Variants in GRIA3 observed in about 807,000 individuals in gnomAD.
The protein encoded by GRIA3 is glutamate receptor 3.
Under a neutral mutation model 63.0 loss-of-function variants are expected in GRIA3, and 3 were observed. The ratio of observed to expected loss-of-function variants is 0.05; its 90% CI spans 0.02 to 0.12. GRIA3 has a LOEUF of 0.12. Ranked by LOEUF, GRIA3 falls within the 10% of genes least tolerant of loss-of-function variation. GRIA3 has a pLI of 1.00. For synonymous variants in GRIA3, 274 were observed against 257.9 expected (o/e 1.06, Z -0.60); for missense variants, 347 against 700.9 (o/e 0.50, Z 5.70).
intron 3 of GRIA3, among the ~76,000 whole-genome samples, chrX:123,307,789 C>T (rs761113676): frequency 3.6e-5 from 4 of 111,140 alleles, no homozygotes; most frequent in African/African-American, 1.3e-4. Flanking sequence ...GCCAAGAATT[C>T]GTTGGCTACA....
chrX:123,396,215 A>AATG (rs756571972), intron 6 of GRIA3, among the ~76,000 whole-genome samples: 73 of 103,206 alleles, frequency 7.1e-4, no homozygotes, highest in Admixed American at 1.2e-3. Context: ...TAATAATAAT[A>AATG]ATAATAATAA....
intron 3 of GRIA3, among the ~76,000 whole-genome samples, chrX:123,287,866 A>G (rs965391752): frequency 8.9e-6 from 1 of 112,044 alleles, no homozygotes; most frequent in Non-Finnish European, 1.9e-5. Flanking sequence ...ATTTAATGCT[A>G]TCCCCATCAA....
chrX:123,370,648 C>T (rs925626632), intron 5 of GRIA3, among the ~76,000 whole-genome samples: 10 of 111,298 alleles, frequency 9.0e-5, no homozygotes, highest in African/African-American at 3.3e-4. Context: ...TGCAGGTAAT[C>T]AGAAGTAAGG....
intron 3 of GRIA3, among the ~76,000 whole-genome samples, chrX:123,280,634 C>T (rs185707329): frequency 7.2e-5 from 8 of 111,817 alleles, no homozygotes; most frequent in East Asian, 5.6e-4. Context: ...ATTGAATCTT[C>T]GGTACTTGAG....
At chrX:123,456,629 T>C (rs1315574432) in intron 12 of GRIA3, among the ~76,000 whole-genome samples, 5 of 108,612 alleles carry the variant, frequency 4.6e-5, no homozygotes, top group African/African-American at 1.7e-4. Context: ...TGCAAGCACA[T>C]TGTCCTCTTC....
Position 123,184,375 on chromosome X carries a change from G to A in GRIA3, c.-161G>A. 1 of 488,030 alleles carries A rather than the reference G, an allele frequency of 2.0e-6. No individual in the cohort carries two copies. The highest frequency in any genetic ancestry group is 3.7e-6 in the Non-Finnish European group (1 of 271,539). The allele number at this position is 488,030 out of a possible 1,213,427, so 40.2% of individuals were successfully genotyped here. A position where few individuals can be genotyped will look rare whatever the true frequency, so the allele number is the denominator to read the frequency against. On this transcript the variant is annotated 5_prime_UTR_variant, in exon 1 of 16. Coordinates refer to ENST00000620443, the MANE Select transcript of GRIA3 (RefSeq NM_007325.5). ...GGAAGAAGAGGAGGCGGCGGCAGCG[G>A]AGGAGGAGGAGGACTAGTGTGGGGT...
At chrX:123,386,201 G>T (rs759350040) in intron 5 of GRIA3, among the ~76,000 whole-genome samples, 2 of 111,522 alleles carry the variant, frequency 1.8e-5, no homozygotes, top group Non-Finnish European at 3.8e-5. Context: ...TAGTGATGTT[G>T]AGCATTTTTT....
intron 2 of GRIA3, among the ~76,000 whole-genome samples, chrX:123,223,273 A>G (rs2044228436): frequency 3.5e-5 from 4 of 112,980 alleles, no homozygotes; most frequent in Admixed American, 9.3e-5. Context: ...CCTTTAAATA[A>G]TAAGCCAACA....
intron 5 of GRIA3, among the ~76,000 whole-genome samples, chrX:123,368,035 T>C (rs2045223760): frequency 1.8e-5 from 2 of 112,241 alleles, no homozygotes; most frequent in African/African-American, 6.5e-5. Context: ...GTCACTGCTC[T>C]ACTTCTACTC....
chrX:123,315,531 T>G (rs748353155), intron 3 of GRIA3, among the ~76,000 whole-genome samples: 1 of 112,619 alleles, frequency 8.9e-6, no homozygotes, highest in Non-Finnish European at 1.9e-5. Flanking sequence ...TTCCATGAAT[T>G]ATTTTTAAAT....
intron 2 of GRIA3, among the ~76,000 whole-genome samples, chrX:123,238,522 T>C (rs1013850249): frequency 4.5e-5 from 5 of 111,971 alleles, no homozygotes; most frequent in Non-Finnish European, 9.4e-5. Flanking sequence ...CCATAACACA[T>C]ATGCATGTAT....
chrX:123,320,124 G>A (rs1246928136), intron 3 of GRIA3, among the ~76,000 whole-genome samples: 1 of 111,532 alleles, frequency 9.0e-6, no homozygotes, highest in Non-Finnish European at 1.9e-5. Context: ...TTTCAGTTGA[G>A]TAACATAGAC....
intron 12 of GRIA3, among the ~76,000 whole-genome samples, chrX:123,462,910 C>G (rs1257550277): frequency 1.8e-5 from 2 of 111,564 alleles, no homozygotes; most frequent in South Asian, 7.5e-4. Context: ...GGACCTAGCT[C>G]CCAAGTCAAT....
chrX:123,423,119 C>T (rs143332837), intron 11 of GRIA3, among the ~76,000 whole-genome samples: 1,259 of 111,541 alleles, frequency 0.011, 19 homozygotes, highest in African/African-American at 0.039. Context: ...GAGGGCTAGA[C>T]AAATTGAAGA....
intron 9 of GRIA3, 77 bp downstream of exon 9, chrX:123,403,596 A>G (rs1302893423): frequency 3.0e-6 from 2 of 659,746 alleles, no homozygotes; most frequent in Non-Finnish European, 5.1e-6. Flanking sequence ...TTCCACCAGT[A>G]GAAAAGACCT....
intron 4 of GRIA3, among the ~76,000 whole-genome samples, chrX:123,339,807 C>T (rs182239434): frequency 1.8e-5 from 2 of 112,464 alleles, no homozygotes; most frequent in African/African-American, 6.5e-5. Context: ...ACAGTAAAAC[C>T]TGATACTAAT....
intron 13 of GRIA3, among the ~76,000 whole-genome samples, chrX:123,469,899 G>A (rs2045853263): frequency 8.9e-6 from 1 of 111,953 alleles, no homozygotes; most frequent in South Asian, 3.7e-4. Flanking sequence ...CTTGGGTAAA[G>A]GGCACCAGCT....
At chrX:123,344,756 A>G (rs1257830509) in intron 4 of GRIA3, among the ~76,000 whole-genome samples, 2 of 111,010 alleles carry the variant, frequency 1.8e-5, no homozygotes, top group Non-Finnish European at 3.8e-5. Flanking sequence ...CCTACCCAGG[A>G]CTCACCATGG....
intron 12 of GRIA3, among the ~76,000 whole-genome samples, chrX:123,435,379 G>T (rs193109679): frequency 4.5e-5 from 5 of 111,826 alleles, no homozygotes; most frequent in African/African-American, 1.6e-4. Context: ...AACAATCCTG[G>T]GGCAGCCAGA....
Sources: gnomAD v4.1 joint callset for allele counts (sites outside exome capture counted in the v4.1 genomes callset) on GRCh38, gnomAD v4.1.1 for gene constraint, MANE v1.5 for transcripts, NCBI Gene and HGNC (gene_info 2026-07-23, HGNC 2026-07-21) for gene names.